The following TEP1 variants were observed in gnomAD, a reference collection of about 807,000 sequenced individuals.
The protein encoded by TEP1 is telomerase protein component 1.
Under a neutral mutation model 306.3 loss-of-function variants are expected in TEP1, and 241 were observed. The observed-to-expected ratio is 0.79, with a 90% CI of 0.71 to 0.88. TEP1 has a LOEUF of 0.88. Among genes scored for constraint, TEP1 ranks in the 40% least tolerant of loss-of-function variants. The probability of loss-of-function intolerance (pLI) is 0.00; values close to 1 mark genes in which losing one functional copy is unlikely to be tolerated. For missense variants in TEP1, 3,051 were observed against 3,276.1 expected (o/e 0.93, Z 1.68); for synonymous variants, 1,289 against 1,305.5 (o/e 0.99, Z 0.27).
chr14:20,386,513 T>A lies in TEP1; in HGVS notation c.2795A>T (p.His932Leu). 6.2e-7 allele frequency: 1 copy of A among 1,612,856 alleles called. No individual in the cohort carries two copies. The highest frequency in any genetic ancestry group is 8.5e-7 in the Non-Finnish European group (1 of 1,179,418). ...GTCGATTCCGTGAAGGCTGATACGGTGAGGGGCCGCTCGGGCCTGCAGTGC... is the reference window on the plus strand; with the variant it reads ...GTCGATTCCGTGAAGGCTGATACGGAGAGGGGCCGCTCGGGCCTGCAGTGC... Reference protein sequence around the residue: ...LPALQARAAPHRISLHGIDLR... With the variant: ...LPALQARAAPLRISLHGIDLR... The change falls in exon 19 of 55, where the codon CAC (histidine) becomes CTC (leucine). Residue 932 changes from histidine to leucine, a missense_variant. Coordinates refer to ENST00000262715, the MANE Select transcript of TEP1 (RefSeq NM_007110.5).
Position 20,369,795 on chromosome 14 carries a change from T to A in TEP1, c.7318-16A>T. The A allele has an allele frequency of 1.2e-6, 2 of 1,604,118 alleles. No individual in the cohort carries two copies. The highest frequency in any genetic ancestry group is 1.7e-6 in the Non-Finnish European group (2 of 1,171,584). On this transcript the variant is annotated splice_polypyrimidine_tract_variant and intron_variant, in intron 51 of 54. Transcript: ENST00000262715. ...CCTTTTGCCTCTGTGAAAGAATAGG[T>A]AATTTTGTTTAGCCTACCCATATGA...
rs1227515447 is a variant in TEP1, at chr14:20,405,449, AC to A, written c.870+1del. ...CCCATCCCCTCCTTCACACCTCAATACCTTGAGGATAAACTCAGGCTCCAGG... is the reference window on the plus strand; with the variant it reads ...CCCATCCCCTCCTTCACACCTCAATACTTGAGGATAAACTCAGGCTCCAGG... On this transcript the variant is annotated splice_donor_variant, in intron 4 of 54. Transcript: ENST00000262715. LOFTEE classifies it high-confidence loss of function. 6.2e-7 allele frequency: 1 copy of A among 1,613,632 alleles called. No homozygotes were observed. Among genetic ancestry groups the A allele is most frequent in the Non-Finnish European group, 8.5e-7 (1 of 1,179,906 alleles).
Position 20,402,277 on chromosome 14 carries a change from C to T in TEP1, c.1267-696G>A, listed in dbSNP as rs1434475883. 2.0e-5 allele frequency among the ~76,000 whole-genome samples: 3 copies of T among 152,256 alleles called. No homozygotes were observed. The East Asian group carries it at 5.8e-4, about 29-fold the overall frequency. On this transcript the variant is annotated intron_variant, in intron 7 of 54. Transcript: ENST00000262715. ...AAGCCAAGACAGCACCACTGCACTC[C>T]AGCCTGGGCTACAGAGCAAGACTTC...
chr14:20,393,417 A>G (rs59358068), intron 12 of TEP1, among the ~76,000 whole-genome samples: 43,480 of 152,194 alleles, frequency 0.29, 6,717 homozygotes, highest in Non-Finnish European at 0.35. Flanking sequence ...AATCAAATTA[A>G]ACTTAAATTA....
At chr14:20,383,946 G>A (rs1156932067) in intron 24 of TEP1, 28 bp from the exon 25 acceptor site, 9 of 1,592,852 alleles carry the variant, frequency 5.7e-6, no homozygotes, top group Middle Eastern at 1.7e-4. Context: ...AGAAAACATG[G>A]TCACATTTTA....
Position 20,391,339 on chromosome 14 carries a change from T to G in TEP1, c.2098-243A>C, listed in dbSNP as rs564969403. On this transcript the variant is annotated intron_variant, in intron 13 of 54. Coordinates refer to ENST00000262715, the MANE Select transcript of TEP1 (RefSeq NM_007110.5). Reference sequence around the variant, plus strand: ...GATGTAGTGAGGTGAAAGTGAGACATATTTTGGTGATGCAAATTTAGAGAG... The same window carrying G: ...GATGTAGTGAGGTGAAAGTGAGACAGATTTTGGTGATGCAAATTTAGAGAG... 6.6e-5 allele frequency among the ~76,000 whole-genome samples: 10 copies of G among 152,252 alleles called. No individual in the cohort carries two copies. In the South Asian group the frequency reaches 2.1e-3, roughly 32 times the overall value.
rs1303417370 is a variant in TEP1, at chr14:20,380,465, G to A, written c.4773C>T (p.Val1591=). The change falls in exon 34 of 55, where the codon GTC becomes GTT. Residue 1591 remains valine (V), a synonymous_variant. Coordinates refer to ENST00000262715, the MANE Select transcript of TEP1 (RefSeq NM_007110.5). ...LEAHALYASS[V]PKEEQKLPEA... ...CGGGGAGCTTTTGTTCCTCTTTGGG[G>A]ACTGAAGAAGCTATAAAAGGGTGGC... 5 of 1,612,312 alleles carry A rather than the reference G, an allele frequency of 3.1e-6. No homozygotes were observed. Among genetic ancestry groups the A allele is most frequent in the Non-Finnish European group, 4.2e-6 (5 of 1,179,770 alleles).
At chr14:20,375,973 C>T (rs1594326296) in intron 42 of TEP1, 105 bp from the exon 43 acceptor site, 1 of 1,471,394 alleles carries the variant, frequency 6.8e-7, no homozygotes, top group Admixed American at 1.7e-5. Context: ...CACAAGGAAG[C>T]ACAGGCAGAC....
Position 20,379,025 on chromosome 14 carries a change from G to A in TEP1, c.5208C>T (p.Ala1736=). Residue 1736 remains alanine, a synonymous_variant, in exon 36 of 55, where the codon GCC becomes GCT. Coordinates refer to ENST00000262715, the MANE Select transcript of TEP1 (RefSeq NM_007110.5). Reference sequence around the variant, plus strand: ...CCCAGAGCTCCAGGAGCCCGTCGAAGGCAGTAAGAAAGAGTGTATCATCGG... The same window carrying A: ...CCCAGAGCTCCAGGAGCCCGTCGAAAGCAGTAAGAAAGAGTGTATCATCGG... ...FLSDDTLFLT[A]FDGLLELWDL... 1 of 1,614,228 alleles carries A rather than the reference G, an allele frequency of 6.2e-7. No homozygotes were observed. The highest frequency in any genetic ancestry group is 1.3e-5 in the African/African-American group (1 of 75,054).
chr14:20,399,387 T>C (rs1019783841), intron 9 of TEP1, among the ~76,000 whole-genome samples: 9 of 152,168 alleles, frequency 5.9e-5, no homozygotes, highest in Non-Finnish European at 8.8e-5. Flanking sequence ...TGGACATTTA[T>C]CCTTAAGATT....
At position 20,401,564 on chromosome 14, in the gene TEP1, A is replaced by G; in HGVS notation, c.1284T>C (p.Asp428=). Residue 428 remains aspartate, a synonymous_variant, in exon 8 of 55, where the codon GAT becomes GAC. Transcript: ENST00000262715. ...EEQRKFEKAG[D]TVSEKKNPPR... ...GAGGATTCTTTTTCTCTGACACTGT[A>G]TCACCGGCCTTCTCAAACTGTGGAA... The G allele has an allele frequency of 6.2e-7, 1 of 1,614,154 alleles. No homozygotes were observed.
At chr14:20,374,805 T>C (rs7150689) in intron 43 of TEP1, among the ~76,000 whole-genome samples, 43,081 of 151,946 alleles carry the variant, frequency 0.28, 6,549 homozygotes, top group African/African-American at 0.38. Flanking sequence ...CATAAAGGAC[T>C]TAGGCTGGGC....
Position 20,404,827 on chromosome 14 carries a change from G to A in TEP1, c.871-55C>T, listed in dbSNP as rs565362016. 4.6e-6 allele frequency: 7 copies of A among 1,536,966 alleles called. No homozygotes were observed. The African/African-American group carries it at 5.5e-5, about 12-fold the overall frequency. On this transcript the variant is annotated intron_variant, in intron 4 of 54. Coordinates refer to ENST00000262715, the MANE Select transcript of TEP1 (RefSeq NM_007110.5). The stretch of plus-strand genomic sequence containing the variant: ...TCAGTCACTCCTCCCGTAGCTTTCT[G>A]CCCTGAAATTACTTGCTGATTGAGT...
chr14:20,388,335 G>C (rs1877387197), intron 17 of TEP1, among the ~76,000 whole-genome samples: 1 of 152,210 alleles, frequency 6.6e-6, no homozygotes, highest in Admixed American at 6.5e-5. Context: ...AACGGGGTAG[G>C]GAAAGGTGTA....
chr14:20,368,764 GCACACACA>G (rs112024184), intron 54 of TEP1, 26 bp downstream of exon 54: 78 of 1,344,164 alleles, frequency 5.8e-5, no homozygotes, highest in South Asian at 1.6e-4. Context: ...GCAGGCGCAC[GCACACACA>G]CACACACACA....
intron 7 of TEP1, among the ~76,000 whole-genome samples, chr14:20,402,858 G>T (rs540334115): frequency 2.6e-5 from 4 of 152,010 alleles, no homozygotes; most frequent in Non-Finnish European, 5.9e-5. Context: ...CATGTCACCC[G>T]GCAGTAAAGT....
At chr14:20,372,110 C>A (rs1884873678) in intron 49 of TEP1, among the ~76,000 whole-genome samples, 1 of 152,184 alleles carries the variant, frequency 6.6e-6, no homozygotes, top group African/African-American at 2.4e-5. Flanking sequence ...ACTGTGCCCT[C>A]TACAGCCTGA....
In TEP1 at chr14:20,381,676, C is replaced by T. The variant is rs770560423; in HGVS notation, c.4435G>A (p.Glu1479Lys). ...GCACCAGGGCGCTCCAGAGGGCCCTCCCCTAGCAAACTGTCCTCGTGTGAG... is the reference window on the plus strand; with the variant it reads ...GCACCAGGGCGCTCCAGAGGGCCCTTCCCTAGCAAACTGTCCTCGTGTGAG... ...LVQSLRSLLG[E>K]GPLERPGARL... The change falls in exon 31 of 55, where the codon GAG becomes AAG. Residue 1479 changes from glutamate (E) to lysine (K), a missense_variant. By Grantham distance (56) the Glu-to-Lys change is moderately conservative (BLOSUM62 1). This residue lies in a region of TEP1 where 1,540 missense variants were observed against 1,705.9 expected (regional missense o/e 0.90). Coordinates refer to ENST00000262715, the MANE Select transcript of TEP1 (RefSeq NM_007110.5). The surrounding 1 kb of genome is among the most constrained non-coding windows in gnomAD (Gnocchi z 4.0). The T allele has an allele frequency of 3.7e-6, 6 of 1,605,110 alleles. No homozygotes were observed. In the Admixed American group the frequency reaches 1.0e-4, roughly 28 times the overall value.
intron 49 of TEP1, among the ~76,000 whole-genome samples, chr14:20,372,372 G>GTGTGTA (rs903913033): frequency 1.2e-5 from 1 of 82,652 alleles, no homozygotes; most frequent in Non-Finnish European, 2.7e-5. Context: ...ATGTGTGTGT[G>GTGTGTA]TGTGTGTATG....
Sources: gnomAD v4.1 joint callset for allele counts (sites outside exome capture counted in the v4.1 genomes callset) on GRCh38, gnomAD v4.1.1 for gene constraint, gnomAD v4.1.1 regional missense constraint, Gnocchi (gnomAD v3.1) non-coding constraint, MANE v1.5 for transcripts, NCBI Gene and HGNC (gene_info 2026-07-23, HGNC 2026-07-21) for gene names.